The following ZNF727 variants were observed in gnomAD, a reference collection of about 807,000 sequenced individuals.
ZNF727 encodes putative zinc finger protein 727.
A neutral mutation model predicts 11.5 loss-of-function variants in ZNF727; 11 were observed. The ratio of observed to expected loss-of-function variants is 0.95; its 90% CI spans 0.60 to 1.58. The LOEUF (loss-of-function observed/expected upper bound fraction) is 1.58. ZNF727 is among the 40% of genes most tolerant of loss of function. ZNF727 has a pLI of 0.00. For missense variants in ZNF727, 533 were observed against 581.7 expected, an observed-to-expected ratio of 0.92 and a Z score of 0.86; for synonymous variants, 171 against 196.1, an observed-to-expected ratio of 0.87 and a Z score of 1.07.
intron 1 of ZNF727, among the ~76,000 whole-genome samples, chr7:64,050,982 T>C (rs886087453): frequency 2.0e-5 from 3 of 152,162 alleles, no homozygotes; most frequent in African/African-American, 7.2e-5. Context: ...GACATTTTTG[T>C]TTATTGGAGG....
chr7:64,068,834 G>A, intron 1 of ZNF727, 57 bp from the exon 2 acceptor site: 1 of 1,544,204 alleles, frequency 6.5e-7, no homozygotes, highest in Admixed American at 2.0e-5. Flanking sequence ...CATTTTACCT[G>A]ATGTCAAATC....
At chr7:64,075,210 A>G (rs75075483) in intron 3 of ZNF727, among the ~76,000 whole-genome samples, 4,327 of 152,060 alleles carry the variant, frequency 0.028, 205 homozygotes, top group East Asian at 0.18. Flanking sequence ...TTTATATCAT[A>G]TTGTACTGTA....
At chr7:64,048,272 T>A (rs1789539298) in intron 1 of ZNF727, among the ~76,000 whole-genome samples, 1 of 152,244 alleles carries the variant, frequency 6.6e-6, no homozygotes, top group Non-Finnish European at 1.5e-5. Flanking sequence ...TTAAAAATTC[T>A]CATTTACCTT....
intron 1 of ZNF727, among the ~76,000 whole-genome samples, chr7:64,052,054 T>C (rs1210004501): frequency 3.9e-5 from 6 of 152,178 alleles, no homozygotes; most frequent in Non-Finnish European, 7.3e-5. Context: ...AGGAAAGGCA[T>C]GGTTTTGATG....
chr7:64,084,620 G>T lies in ZNF727; in HGVS notation c.*6071G>T, dbSNP rs916740005. Among the ~76,000 whole-genome samples, 3 of 152,122 alleles carry T rather than the reference G, an allele frequency of 2.0e-5. No homozygotes were observed. Among genetic ancestry groups the T allele is most frequent in the African/African-American group, 7.2e-5 (3 of 41,444 alleles). On this transcript the variant is annotated 3_prime_UTR_variant, in exon 4 of 4. Transcript: ENST00000456806. ...TTATTATGATGTTTGTAATGAAGAT[G>T]AGTATAATGGAGCTATATGTTTCTG...
chr7:64,050,984 T>C (rs2116269632), intron 1 of ZNF727, among the ~76,000 whole-genome samples: 1 of 152,290 alleles, frequency 6.6e-6, no homozygotes, highest in South Asian at 2.1e-4. Context: ...CATTTTTGTT[T>C]ATTGGAGGTA....
chr7:64,074,364 C>G (rs187961393), intron 3 of ZNF727, among the ~76,000 whole-genome samples: 25 of 152,210 alleles, frequency 1.6e-4, no homozygotes, highest in Non-Finnish European at 1.6e-4. Flanking sequence ...TCTGCTGGTG[C>G]CTTCACAGTG....
intron 1 of ZNF727, among the ~76,000 whole-genome samples, chr7:64,064,166 T>C (rs1469561450): frequency 6.6e-6 from 1 of 152,124 alleles, no homozygotes; most frequent in Non-Finnish European, 1.5e-5. Flanking sequence ...AAAGTCTCTT[T>C]TACTCTTCCC....
Position 64,077,277 on chromosome 7 carries a change from TGGC to T in ZNF727, c.229_231del (p.Gly77del). ...TTGTGGTTCTTTTTTTTTTTTCAGC[TGGC>T]TCTTTGCATTTTACTGCAGAGATAT... On this transcript the variant is annotated inframe_deletion and splice_region_variant, in exon 4 of 4. Transcript: ENST00000456806. The T allele has an allele frequency of 1.3e-6, 2 of 1,498,498 alleles. No homozygotes were observed. Among genetic ancestry groups the T allele is most frequent in the Non-Finnish European group, 1.8e-6 (2 of 1,125,928 alleles). 92.8% of individuals were successfully genotyped at this position (1,498,498 alleles called of 1,614,324 possible).
At chr7:64,058,643 C>T (rs1439374133) in intron 1 of ZNF727, among the ~76,000 whole-genome samples, 1 of 152,190 alleles carries the variant, frequency 6.6e-6, no homozygotes, top group Non-Finnish European at 1.5e-5. Context: ...AGTCTTTCTA[C>T]TAACTCTGGA....
chr7:64,047,729 T>G (rs1292520970), intron 1 of ZNF727, among the ~76,000 whole-genome samples: 1 of 132,272 alleles, frequency 7.6e-6, no homozygotes, highest in Admixed American at 8.4e-5. Context: ...TCTAAAAAGC[T>G]AACTGCTTTA....
chr7:64,078,180 T>C lies in ZNF727; in HGVS notation c.1131T>C (p.Phe377=), dbSNP rs767929517. ...AATGTGAAGAATGTGGCAAAACCTTTAAGTGGTTCTCAGACCTGACTAATC... is the reference window on the plus strand; with the variant it reads ...AATGTGAAGAATGTGGCAAAACCTTCAAGTGGTTCTCAGACCTGACTAATC... ...PYKCEECGKT[F]KWFSDLTNHK... Residue 377 remains phenylalanine, a synonymous_variant, in exon 4 of 4, where the codon TTT becomes TTC. Transcript: ENST00000456806. The C allele has an allele frequency of 2.5e-6, 4 of 1,597,026 alleles. No individual in the cohort carries two copies. In the East Asian group the frequency reaches 6.9e-5, roughly 27 times the overall value.
rs1172622905 is a variant in ZNF727, at chr7:64,080,506, A to G, written c.*1957A>G. Among the ~76,000 whole-genome samples the G allele has an allele frequency of 6.6e-6, 1 of 152,106 alleles. No individual in the cohort carries two copies. Among genetic ancestry groups the G allele is most frequent in the Non-Finnish European group, 1.5e-5 (1 of 68,030 alleles). Reference sequence around the variant, plus strand: ...GTTTTTCAGTTCTATCATGTTGGCCATATTTTTCTCTAGACTGGCTGTTTT... The same window carrying G: ...GTTTTTCAGTTCTATCATGTTGGCCGTATTTTTCTCTAGACTGGCTGTTTT... On this transcript the variant is annotated 3_prime_UTR_variant, in exon 4 of 4. Coordinates refer to ENST00000456806, the MANE Select transcript of ZNF727 (RefSeq NM_001159522.3).
At chr7:64,053,957 A>G (rs568823922) in intron 1 of ZNF727, among the ~76,000 whole-genome samples, 25 of 152,308 alleles carry the variant, frequency 1.6e-4, no homozygotes, top group African/African-American at 5.5e-4. Flanking sequence ...TTGTTAATAG[A>G]TTATGTGTAT....
intron 1 of ZNF727, among the ~76,000 whole-genome samples, chr7:64,052,232 AG>A (rs1789610146): frequency 6.6e-6 from 1 of 152,168 alleles, no homozygotes. Context: ...CTTAGCTAAA[AG>A]TCTCTGCAGG....
At chr7:64,071,456 A>G (rs1584153412) in intron 3 of ZNF727, among the ~76,000 whole-genome samples, 1 of 151,974 alleles carries the variant, frequency 6.6e-6, no homozygotes, top group Admixed American at 6.6e-5. Context: ...AAATCTTGTT[A>G]TTATTACTGC....
At chr7:64,067,529 C>A (rs972875708) in intron 1 of ZNF727, among the ~76,000 whole-genome samples, 1 of 152,084 alleles carries the variant, frequency 6.6e-6, no homozygotes, top group Admixed American at 6.6e-5. Flanking sequence ...AAATGTGGCA[C>A]ATAAACACCA....
At chr7:64,063,229 C>T (rs1789803679) in intron 1 of ZNF727, among the ~76,000 whole-genome samples, 1 of 152,034 alleles carries the variant, frequency 6.6e-6, no homozygotes, top group African/African-American at 2.4e-5. Context: ...TTTTTGCATT[C>T]TGGGCTTTTT....
Position 64,078,357 on chromosome 7 carries a change from C to T in ZNF727, c.1308C>T (p.Phe436=). The part of the protein sequence containing the change: ...CEECGKTFKW[F]PDLTNHKRIH... ...AATGTGGCAAAACCTTTAAGTGGTT[C>T]CCAGACCTGACTAATCATAAGAGAA... Residue 436 remains phenylalanine, a synonymous_variant, in exon 4 of 4, where the codon TTC becomes TTT. Coordinates refer to ENST00000456806, the MANE Select transcript of ZNF727 (RefSeq NM_001159522.3). 6.3e-7 allele frequency: 1 copy of T among 1,580,368 alleles called. No homozygotes were observed. Among genetic ancestry groups the T allele is most frequent in the Non-Finnish European group, 8.6e-7 (1 of 1,162,862 alleles).
Sources: allele counts gnomAD v4.1 joint callset (sites outside exome capture counted in the v4.1 genomes callset), GRCh38; gene constraint gnomAD v4.1.1; transcripts MANE v1.5; gene names NCBI Gene and HGNC (gene_info 2026-07-23, HGNC 2026-07-21).